Variants in GRIP1 observed in about 807,000 individuals in gnomAD.
The protein encoded by GRIP1 is glutamate receptor-interacting protein 1.
GRIP1 carries 45 observed loss-of-function variants against 129.9 expected under a neutral mutation model. The ratio of observed to expected loss-of-function variants is 0.35; its 90% CI spans 0.27 to 0.44. The LOEUF is 0.44. Among genes scored for constraint, GRIP1 ranks in the 20% least tolerant of loss-of-function variants. GRIP1 has a pLI of 1.00. For synonymous variants in GRIP1, 530 were observed against 520.8 expected (o/e 1.02, Z -0.24); for missense variants, 1,196 against 1,396.8 (o/e 0.86, Z 2.29).
intron 1 of GRIP1, among the ~76,000 whole-genome samples, chr12:66,737,240 C>T (rs989244392): frequency 6.6e-6 from 1 of 152,064 alleles, no homozygotes; most frequent in Non-Finnish European, 1.5e-5. Context: ...GCAAATTGTC[C>T]TCTGTTTCAC....
At chr12:66,670,634 T>C (rs2034033686) in intron 1 of GRIP1, among the ~76,000 whole-genome samples, 1 of 152,198 alleles carries the variant, frequency 6.6e-6, no homozygotes, top group East Asian at 1.9e-4. Context: ...TTATAACCTG[T>C]ATCAGGCCTC....
upstream of GRIP1, among the ~76,000 whole-genome samples, chr12:66,807,547 G>A (rs144337407): frequency 0.068 from 10,278 of 152,112 alleles, 465 homozygotes; most frequent in Middle Eastern, 0.12. Context: ...GGTGGCGGGC[G>A]CCTGTAGTCC....
chr12:66,820,695 C>T (rs2136982944), intron 1 of GRIP1, among the ~76,000 whole-genome samples: 1 of 151,784 alleles, frequency 6.6e-6, no homozygotes, highest in East Asian at 1.9e-4. Flanking sequence ...AGCTACCAAG[C>T]CATGAAAAGA....
chr12:67,011,729 A>C (rs1237801974), intron 1 of GRIP1, among the ~76,000 whole-genome samples: 6 of 152,088 alleles, frequency 3.9e-5, no homozygotes. Context: ...CTTGCACTAC[A>C]GAAATTTGAA....
chr12:66,586,737 G>A (rs1433909986), intron 2 of GRIP1, among the ~76,000 whole-genome samples: 1 of 152,034 alleles, frequency 6.6e-6, no homozygotes, highest in East Asian at 1.9e-4. Context: ...TTGTCAGTAG[G>A]TTATTTAGGT....
intron 1 of GRIP1, among the ~76,000 whole-genome samples, chr12:67,053,792 C>A (rs556826274): frequency 6.6e-6 from 1 of 150,836 alleles, no homozygotes; most frequent in African/African-American, 2.4e-5. Flanking sequence ...GAGCCGAGAT[C>A]GCACCACTGC....
intron 1 of GRIP1, among the ~76,000 whole-genome samples, chr12:66,604,995 G>A (rs1429871585): frequency 2.1e-5 from 3 of 140,880 alleles, no homozygotes; most frequent in Non-Finnish European, 4.7e-5. Flanking sequence ...TACATTTGGA[G>A]TAATTAAGGT....
At chr12:67,052,987 T>C (rs1009866598) in intron 1 of GRIP1, among the ~76,000 whole-genome samples, 1 of 152,176 alleles carries the variant, frequency 6.6e-6, no homozygotes, top group African/African-American at 2.4e-5. Context: ...GCTTCCTAGA[T>C]TGTTTTCCCA....
At chr12:66,988,265 G>C (rs1165839120) in intron 1 of GRIP1, among the ~76,000 whole-genome samples, 1 of 152,064 alleles carries the variant, frequency 6.6e-6, no homozygotes, top group African/African-American at 2.4e-5. Flanking sequence ...CTGGGTGATG[G>C]GAGTGAAACT....
In GRIP1 at chr12:66,983,006, A is replaced by C. The variant is rs146716979; in HGVS notation, c.58+86044T>G. ...ATAAAAAGGAACAAAATCAGCTTTC[A>C]TTAGCTTCTGGCACTTTTCCCTCCA... is the stretch of plus-strand genomic sequence containing the variant. On this transcript the variant is annotated intron_variant, in intron 1 of 1. Transcript: ENST00000643019. Among the ~76,000 whole-genome samples the C allele has an allele frequency of 9.9e-3, 1,515 of 152,300 alleles. 23 individuals are homozygous for C. Among genetic ancestry groups the C allele is most frequent in the Non-Finnish European group, 0.012 (837 of 68,030 alleles).
chr12:66,528,985 C>A (rs1371569911), intron 5 of GRIP1, among the ~76,000 whole-genome samples: 1 of 152,074 alleles, frequency 6.6e-6, no homozygotes, highest in Admixed American at 6.5e-5. Flanking sequence ...GGGCTAAGGA[C>A]ATGAATAGAC....
intron 13 of GRIP1, among the ~76,000 whole-genome samples, chr12:66,434,671 C>T (rs976600531): frequency 6.6e-6 from 1 of 152,228 alleles, no homozygotes; most frequent in African/African-American, 2.4e-5. Context: ...CTATGCCTTT[C>T]CTGAGTCCTC....
At chr12:66,406,056 TATA>T (rs1171404138) in intron 16 of GRIP1, among the ~76,000 whole-genome samples, 18 of 152,314 alleles carry the variant, frequency 1.2e-4, no homozygotes, top group African/African-American at 3.4e-4. Flanking sequence ...TTCATGCAAT[TATA>T]ATATGTTTTC....
chr12:66,962,541 A>G (rs1425960859), intron 1 of GRIP1, among the ~76,000 whole-genome samples: 1 of 152,186 alleles, frequency 6.6e-6, no homozygotes, highest in African/African-American at 2.4e-5. Context: ...GGCAGGAAGC[A>G]GTAAGAACTG....
intron 2 of GRIP1, among the ~76,000 whole-genome samples, chr12:66,569,993 C>T (rs1449538488): frequency 6.6e-6 from 1 of 152,080 alleles, no homozygotes; most frequent in Non-Finnish European, 1.5e-5. Flanking sequence ...AGTGCATGCA[C>T]AGGCAATAAT....
At chr12:66,953,252 G>A (rs891851820) in intron 1 of GRIP1, among the ~76,000 whole-genome samples, 11 of 152,296 alleles carry the variant, frequency 7.2e-5, no homozygotes, top group East Asian at 3.9e-4. Context: ...CAAAAACTAC[G>A]ATTATGCAAA....
At chr12:66,565,482 T>C (rs2062718278) in intron 2 of GRIP1, among the ~76,000 whole-genome samples, 1 of 152,214 alleles carries the variant, frequency 6.6e-6, no homozygotes, top group Non-Finnish European at 1.5e-5. Context: ...CATTGGTCTA[T>C]ATCTCTGTTT....
intron 2 of GRIP1, among the ~76,000 whole-genome samples, chr12:66,583,193 T>C (rs1270505953): frequency 6.6e-6 from 1 of 151,008 alleles, no homozygotes; most frequent in East Asian, 1.9e-4. Flanking sequence ...CTGGGAAAAC[T>C]GGCTAGCCAT....
intron 13 of GRIP1, among the ~76,000 whole-genome samples, chr12:66,436,121 A>C (rs1017519225): frequency 6.6e-6 from 1 of 152,116 alleles, no homozygotes; most frequent in African/African-American, 2.4e-5. Context: ...TACTTCCCTG[A>C]TTTTGCTTTA....
Sources: allele counts gnomAD v4.1 joint callset (sites outside exome capture counted in the v4.1 genomes callset), GRCh38; gene constraint gnomAD v4.1.1; transcripts MANE v1.5; gene names NCBI Gene and HGNC (gene_info 2026-07-23, HGNC 2026-07-21).